SPMIP11: variants seen among roughly 807,000 people sequenced by gnomAD.
The protein encoded by SPMIP11 is sperm microtubule inner protein 11, also known as long intergenic non-protein coding RNA 935.
the SPMIP11 span, chr12:48,765,825 G>C: frequency 1.6e-6 from 1 of 607,360 alleles, no homozygotes; most frequent in South Asian, 1.9e-5. Flanking sequence ...TGTGGGGTCA[G>C]GATGGGAGTG....
At chr12:48,740,539 CTGCAA>C in the SPMIP11 span, among the ~76,000 whole-genome samples, 1 of 148,734 alleles carries the variant, frequency 6.7e-6, no homozygotes, top group Non-Finnish European at 1.5e-5. Flanking sequence ...GTCTCCCAGG[CTGCAA>C]TGCATTGAGG....
chr12:48,765,499 G>A, the SPMIP11 span: 22 of 669,352 alleles, frequency 3.3e-5, no homozygotes, highest in East Asian at 5.8e-4. Context: ...AAAGTGCTGG[G>A]ATTACAGGCG....
chr12:48,768,858 G>A, the SPMIP11 span: 3 of 1,554,934 alleles, frequency 1.9e-6, no homozygotes, highest in Non-Finnish European at 2.6e-6. Context: ...CCCTACCCCT[G>A]TCCTAGCAGA....
chr12:48,760,734 C>T, the SPMIP11 span, among the ~76,000 whole-genome samples: 2 of 152,046 alleles, frequency 1.3e-5, no homozygotes, highest in East Asian at 3.9e-4. Flanking sequence ...ACCATGTTGG[C>T]CAGGCTGGTC....
the SPMIP11 span, among the ~76,000 whole-genome samples, chr12:48,754,366 G>A: frequency 1.3e-5 from 2 of 152,076 alleles, no homozygotes; most frequent in East Asian, 3.9e-4. Context: ...TGCCCAGGCT[G>A]GTCTAAAACT....
At chr12:48,770,744 C>T in the SPMIP11 span, 1 of 1,609,222 alleles carries the variant, frequency 6.2e-7, no homozygotes, top group Non-Finnish European at 8.5e-7. Context: ...GGAAAACCCG[C>T]CAAGCAACAA....
the SPMIP11 span, among the ~76,000 whole-genome samples, chr12:48,756,771 C>CTTT: frequency 3.8e-3 from 416 of 108,644 alleles, 13 homozygotes; most frequent in African/African-American, 0.011. Flanking sequence ...ATTTTTTTTT[C>CTTT]TTTTTTTCTT....
chr12:48,730,667 G>A, the SPMIP11 span, among the ~76,000 whole-genome samples: 1 of 152,196 alleles, frequency 6.6e-6, no homozygotes, highest in Non-Finnish European at 1.5e-5. Context: ...GCCGGGCATG[G>A]TGGCTCACGC....
At chr12:48,754,368 T>A in the SPMIP11 span, among the ~76,000 whole-genome samples, 1 of 151,950 alleles carries the variant, frequency 6.6e-6, no homozygotes, top group Non-Finnish European at 1.5e-5. Flanking sequence ...CCCAGGCTGG[T>A]CTAAAACTCC....
At chr12:48,765,811 G>T in the SPMIP11 span, 5 of 628,812 alleles carry the variant, frequency 8.0e-6, no homozygotes, top group Admixed American at 4.7e-5. Flanking sequence ...TGCACGGGGG[G>T]AGCTGTGGGG....
chr12:48,755,935 TG>T, the SPMIP11 span, among the ~76,000 whole-genome samples: 1 of 148,022 alleles, frequency 6.8e-6, no homozygotes, highest in Non-Finnish European at 1.5e-5. Context: ...TGGAGTGCAG[TG>T]GTGTGATCTC....
At chr12:48,765,006 G>T in the SPMIP11 span, 1 of 702,336 alleles carries the variant, frequency 1.4e-6, no homozygotes, top group Non-Finnish European at 2.6e-6. Context: ...GTTAGGCTGG[G>T]AGGGGTAAGG....
chr12:48,746,360 C>CTTTT, the SPMIP11 span, among the ~76,000 whole-genome samples: 47 of 101,208 alleles, frequency 4.6e-4, no homozygotes, highest in East Asian at 7.9e-4. Context: ...ACTATAATTC[C>CTTTT]TTTTTTTTTT....
the SPMIP11 span, among the ~76,000 whole-genome samples, chr12:48,735,026 A>AGAG: frequency 6.8e-6 from 1 of 146,054 alleles, no homozygotes; most frequent in East Asian, 1.9e-4. Flanking sequence ...AAAAAAAAGA[A>AGAG]GAGGAGGAGG....
chr12:48,759,611 C>T, the SPMIP11 span, among the ~76,000 whole-genome samples: 1 of 149,380 alleles, frequency 6.7e-6, no homozygotes, highest in Non-Finnish European at 1.5e-5. Flanking sequence ...TTGGAGGTTG[C>T]GTGAGCCAAG....
At chr12:48,736,623 C>G in the SPMIP11 span, among the ~76,000 whole-genome samples, 2 of 151,980 alleles carry the variant, frequency 1.3e-5, no homozygotes, top group African/African-American at 2.4e-5. Flanking sequence ...ATTCTCAAAG[C>G]CTGTTGCATA....
chr12:48,741,839 C>T, the SPMIP11 span, among the ~76,000 whole-genome samples: 7 of 152,124 alleles, frequency 4.6e-5, no homozygotes, highest in Admixed American at 1.3e-4. Flanking sequence ...CAAGGTCTCG[C>T]TATGTTGTCC....
the SPMIP11 span, among the ~76,000 whole-genome samples, chr12:48,749,422 A>C: frequency 6.6e-6 from 1 of 151,920 alleles, no homozygotes; most frequent in East Asian, 1.9e-4. Context: ...TGAGGTCAGA[A>C]GTTCAAGATC....
the SPMIP11 span, chr12:48,759,409 C>A: frequency 5.9e-6 from 4 of 680,334 alleles, no homozygotes; most frequent in Admixed American, 2.1e-5. Context: ...TGGGATGAGG[C>A]CGGGCTTGGT....
Sources: gnomAD v4.1 joint callset for allele counts (sites outside exome capture counted in the v4.1 genomes callset) on GRCh38, gnomAD v4.1.1 for gene constraint, MANE v1.5 for transcripts, NCBI Gene and HGNC (gene_info 2026-07-23, HGNC 2026-07-21) for gene names.